The following CDIN1 variants were observed in gnomAD, a reference collection of about 807,000 sequenced individuals.
CDIN1 encodes the protein CDAN1-interacting nuclease 1.
Under a neutral mutation model 45.3 loss-of-function variants are expected in CDIN1, and 33 were observed. That is an observed-to-expected ratio of 0.73 (90% CI 0.55 to 0.97). The LOEUF is 0.97. Among genes scored for constraint, CDIN1 ranks in the 50% least tolerant of loss-of-function variants. CDIN1 has a pLI of 0.00. For synonymous variants in CDIN1, 118 were observed against 124.4 expected, an observed-to-expected ratio of 0.95 and a Z score of 0.34; for missense variants, 303 against 339.4, an observed-to-expected ratio of 0.89 and a Z score of 0.84.
chr15:36,583,371 C>T (rs1451235484), intron 1 of CDIN1, among the ~76,000 whole-genome samples: 1 of 152,076 alleles, frequency 6.6e-6, no homozygotes, highest in African/African-American at 2.4e-5. Flanking sequence ...ACTGTGACTT[C>T]TGGGGTAGCC....
chr15:36,758,890 A>G (rs2053681589), intron 10 of CDIN1, among the ~76,000 whole-genome samples: 1 of 152,204 alleles, frequency 6.6e-6, no homozygotes, highest in Non-Finnish European at 1.5e-5. Flanking sequence ...ACCTAACCAA[A>G]TAGGTTGCCT....
At chr15:36,693,351 G>A (rs1006899282) in intron 7 of CDIN1, among the ~76,000 whole-genome samples, 3 of 152,040 alleles carry the variant, frequency 2.0e-5, no homozygotes, top group Admixed American at 6.6e-5. Flanking sequence ...ATTATCCCAA[G>A]CTCACCTTTT....
At chr15:36,623,543 A>G (rs941510872) in intron 1 of CDIN1, among the ~76,000 whole-genome samples, 3 of 152,186 alleles carry the variant, frequency 2.0e-5, no homozygotes, top group African/African-American at 7.2e-5. Context: ...TCTTTTGGCA[A>G]GTGTTGCAGT....
intron 10 of CDIN1, among the ~76,000 whole-genome samples, chr15:36,727,723 A>G (rs115669044): frequency 0.021 from 3,192 of 152,286 alleles, 115 homozygotes; most frequent in African/African-American, 0.073. Context: ...AAGGTGAAAC[A>G]TTGTTGTTAT....
intron 5 of CDIN1, among the ~76,000 whole-genome samples, chr15:36,673,754 A>T (rs1243285189): frequency 1.3e-5 from 2 of 152,076 alleles, no homozygotes; most frequent in Admixed American, 6.6e-5. Context: ...GTGGGTGATT[A>T]TGAAAACTAT....
chr15:36,767,276 G>A lies in CDIN1; in HGVS notation c.717-41048G>A, dbSNP rs116361239. Among the ~76,000 whole-genome samples, 217 of 152,192 alleles carry A rather than the reference G, an allele frequency of 1.4e-3. 1 individual carries two copies. The highest frequency in any genetic ancestry group is 4.9e-3 in the African/African-American group (205 of 41,514). Reference sequence around the variant, plus strand: ...CGGTTCAGCAGTTTGGAATAAAATTGTCTCAGTCTGTTCTCTGTTCCCTAT... The same window carrying A: ...CGGTTCAGCAGTTTGGAATAAAATTATCTCAGTCTGTTCTCTGTTCCCTAT... On this transcript the variant is annotated intron_variant, in intron 10 of 10. Transcript: ENST00000566621.
chr15:36,594,304 G>GA (rs1434156636), intron 1 of CDIN1, among the ~76,000 whole-genome samples: 1 of 151,976 alleles, frequency 6.6e-6, no homozygotes, highest in African/African-American at 2.4e-5. Flanking sequence ...GTGACACTTT[G>GA]AAAAAAAGTT....
At chr15:36,592,398 A>T (rs1016529139) in intron 1 of CDIN1, among the ~76,000 whole-genome samples, 9 of 152,112 alleles carry the variant, frequency 5.9e-5, no homozygotes, top group South Asian at 2.1e-4. Context: ...ACCCCTCACT[A>T]CCAAAGGCAG....
chr15:36,725,149 G>C (rs1021248222), intron 10 of CDIN1, among the ~76,000 whole-genome samples: 1 of 152,192 alleles, frequency 6.6e-6, no homozygotes, highest in South Asian at 2.1e-4. Flanking sequence ...GCAACACCGA[G>C]GGACTCAGGT....
At chr15:36,664,330 A>G (rs2041154812) in intron 5 of CDIN1, among the ~76,000 whole-genome samples, 1 of 152,212 alleles carries the variant, frequency 6.6e-6, no homozygotes, top group Non-Finnish European at 1.5e-5. Flanking sequence ...GCAATTTCAA[A>G]TAGGAGGAAG....
At chr15:36,596,234 A>C (rs567132136) in intron 1 of CDIN1, among the ~76,000 whole-genome samples, 1 of 151,734 alleles carries the variant, frequency 6.6e-6, no homozygotes, top group Non-Finnish European at 1.5e-5. Flanking sequence ...TTAGCCCCTA[A>C]TTCCCTTTTC....
chr15:36,719,677 A>G (rs544327645), intron 10 of CDIN1, among the ~76,000 whole-genome samples: 2 of 152,030 alleles, frequency 1.3e-5, no homozygotes, highest in Non-Finnish European at 2.9e-5. Context: ...AATTTTTTTG[A>G]AAAGTTGGCA....
chr15:36,741,566 G>T (rs2044239921), intron 10 of CDIN1, among the ~76,000 whole-genome samples: 1 of 151,802 alleles, frequency 6.6e-6, no homozygotes, highest in Admixed American at 6.6e-5. Flanking sequence ...ACACAGACTG[G>T]GTGGCTTACA....
intron 5 of CDIN1, among the ~76,000 whole-genome samples, chr15:36,690,420 C>T (rs1316257994): frequency 1.3e-5 from 2 of 151,916 alleles, no homozygotes; most frequent in African/African-American, 4.8e-5. Flanking sequence ...AGGCGCCCAC[C>T]ACCACACCCT....
At chr15:36,655,956 AT>A (rs1438185908) in intron 4 of CDIN1, among the ~76,000 whole-genome samples, 2 of 152,086 alleles carry the variant, frequency 1.3e-5, no homozygotes, top group Admixed American at 1.3e-4. Context: ...CTACCAACAC[AT>A]TTTCTCCTAC....
At chr15:36,767,191 A>G (rs1417239739) in intron 10 of CDIN1, among the ~76,000 whole-genome samples, 5 of 151,934 alleles carry the variant, frequency 3.3e-5, no homozygotes, top group African/African-American at 1.2e-4. Context: ...AAATGGATCT[A>G]TATTTTTAAT....
At chr15:36,628,445 G>T (rs1300902263) in intron 1 of CDIN1, among the ~76,000 whole-genome samples, 1 of 152,128 alleles carries the variant, frequency 6.6e-6, no homozygotes, top group East Asian at 1.9e-4. Flanking sequence ...ATTATTAAAG[G>T]TTGTTTATAT....
At chr15:36,624,810 G>A (rs2039345996) in intron 1 of CDIN1, among the ~76,000 whole-genome samples, 1 of 151,894 alleles carries the variant, frequency 6.6e-6, no homozygotes, top group African/African-American at 2.4e-5. Context: ...TAGTAAAGAT[G>A]GTAGTTATAC....
chr15:36,644,376 A>C lies in CDIN1; in HGVS notation c.147+53A>C. 3.2e-6 allele frequency: 5 copies of C among 1,541,498 alleles called. No individual in the cohort carries two copies. In the South Asian group the frequency reaches 3.4e-5, roughly 11 times the overall value. The stretch of plus-strand genomic sequence containing the variant: ...TGACAGGTGCCTAATTGAATGATGA[A>C]TGTCCCTTTATTTCTTTGTAATTGA... On this transcript the variant is annotated intron_variant, in intron 2 of 10. Transcript: ENST00000566621.
Sources: allele counts gnomAD v4.1 joint callset (sites outside exome capture counted in the v4.1 genomes callset), GRCh38; gene constraint gnomAD v4.1.1; transcripts MANE v1.5; gene names NCBI Gene and HGNC (gene_info 2026-07-23, HGNC 2026-07-21).